Variants in ANKFY1 observed in about 807,000 individuals in gnomAD.
The protein encoded by ANKFY1 is ankyrin repeat and FYVE domain-containing protein 1.
Under a neutral mutation model 128.3 loss-of-function variants are expected in ANKFY1, and 47 were observed. The observed-to-expected ratio is 0.37, with a 90% CI of 0.29 to 0.47. The LOEUF is 0.47. Ranked by LOEUF, ANKFY1 falls within the 20% of genes least tolerant of loss-of-function variation. The probability of loss-of-function intolerance (pLI) is 1.00; values close to 1 mark genes in which losing one functional copy is unlikely to be tolerated. For missense variants in ANKFY1, 1,222 were observed against 1,510.6 expected (o/e 0.81, Z 3.17); for synonymous variants, 553 against 601.6 (o/e 0.92, Z 1.18).
Position 4,181,841 on chromosome 17 carries a change from C to T in ANKFY1, c.2121+340G>A, listed in dbSNP as rs896222527. Among the ~76,000 whole-genome samples, 2 of 152,148 alleles carry T rather than the reference C, an allele frequency of 1.3e-5. No homozygotes were observed. Among genetic ancestry groups the T allele is most frequent in the African/African-American group, 4.8e-5 (2 of 41,408 alleles). ...GCCTCCACTTTTGGGGCCTGTCTTG[C>T]AAACAAGGGAGATAAACCTAAGATT... On this transcript the variant is annotated intron_variant, in intron 15 of 24. Transcript: ENST00000341657. The surrounding 1 kb of genome is among the most constrained non-coding windows in gnomAD (Gnocchi z 4.9).
chr17:4,263,752 G>T, intron 1 of ANKFY1, 180 bp downstream of exon 1: 1 of 1,509,448 alleles, frequency 6.6e-7, no homozygotes, highest in Non-Finnish European at 8.8e-7. Context: ...CGTTGTCATA[G>T]GAACCGCGCT....
intron 1 of ANKFY1, among the ~76,000 whole-genome samples, chr17:4,251,535 TAA>T (rs71144176): frequency 1.1e-3 from 149 of 130,922 alleles, no homozygotes; most frequent in Middle Eastern, 3.7e-3. Context: ...AAATAAAAAT[TAA>T]AAAAAAAAAA....
chr17:4,229,339 A>C (rs2060476725), intron 3 of ANKFY1, among the ~76,000 whole-genome samples: 1 of 151,864 alleles, frequency 6.6e-6, no homozygotes, highest in Non-Finnish European at 1.5e-5. Flanking sequence ...CAGGAGAATC[A>C]CTTGAGCCCA....
At chr17:4,236,835 C>A (rs867353754) in intron 2 of ANKFY1, among the ~76,000 whole-genome samples, 4 of 151,892 alleles carry the variant, frequency 2.6e-5, no homozygotes, top group Non-Finnish European at 4.4e-5. Context: ...ATGAATTAAC[C>A]CATCCATTTA....
chr17:4,245,920 T>C (rs1225940048), intron 1 of ANKFY1, among the ~76,000 whole-genome samples: 1 of 151,766 alleles, frequency 6.6e-6, no homozygotes, highest in Non-Finnish European at 1.5e-5. Context: ...GGCACACAAC[T>C]GTAGTCCCAG....
chr17:4,243,078 G>GT (rs1433544548), intron 1 of ANKFY1, among the ~76,000 whole-genome samples: 1 of 150,214 alleles, frequency 6.7e-6, no homozygotes, highest in Non-Finnish European at 1.5e-5. Flanking sequence ...TTGTTTGTTT[G>GT]TTTGTTTGAG....
intron 3 of ANKFY1, chr17:4,222,893 T>C: frequency 9.7e-7 from 1 of 1,029,996 alleles, no homozygotes; most frequent in South Asian, 1.3e-5. Context: ...CACCCAACAA[T>C]CCAACTCCTA....
intron 19 of ANKFY1, among the ~76,000 whole-genome samples, chr17:4,176,388 C>T (rs995815089): frequency 6.6e-6 from 1 of 152,196 alleles, no homozygotes; most frequent in Non-Finnish European, 1.5e-5. Flanking sequence ...AGAGACCAGA[C>T]GATGAGGCCC....
rs752790435 is a variant in ANKFY1 at position 4,174,235 on chromosome 17, G to A, written c.2776-179C>T. ...GCTGAAGCAGAAACCAGCAAAACCCGTGCCAAGGGCAAACTGGCAATTACC... is the reference window on the plus strand; with the variant it reads ...GCTGAAGCAGAAACCAGCAAAACCCATGCCAAGGGCAAACTGGCAATTACC... On this transcript the variant is annotated intron_variant, in intron 19 of 24. Coordinates refer to ENST00000341657, the MANE Select transcript of ANKFY1 (RefSeq NM_001330063.2). Among the ~76,000 whole-genome samples, 9 of 152,176 alleles carry A rather than the reference G, an allele frequency of 5.9e-5. No homozygotes were observed. The East Asian group carries it at 9.6e-4, about 16-fold the overall frequency.
intron 2 of ANKFY1, among the ~76,000 whole-genome samples, chr17:4,239,575 A>G (rs1405621303): frequency 2.6e-5 from 4 of 152,082 alleles, no homozygotes; most frequent in East Asian, 1.9e-4. Context: ...GTCTCACTCA[A>G]TCACCCAGGC....
rs373164721 is a variant in ANKFY1 at position 4,207,912 on chromosome 17, T to C, written c.732+21A>G. The C allele has an allele frequency of 4.8e-5, 74 of 1,551,052 alleles. No homozygotes were observed. The African/African-American group carries it at 7.6e-4, about 16-fold the overall frequency. ...CATTAGAGTTTCGGGAAATGAAGAA[T>C]GGAAAAGGCAGCTACAGTACCTGGG... On this transcript the variant is annotated intron_variant, in intron 6 of 24. Coordinates refer to ENST00000341657, the MANE Select transcript of ANKFY1 (RefSeq NM_001330063.2).
chr17:4,183,363 C>A (rs567586532), intron 14 of ANKFY1, 35 bp downstream of exon 14: 1 of 1,598,852 alleles, frequency 6.3e-7, no homozygotes. Context: ...TTAATTGTTA[C>A]CTGGTGTTAG....
chr17:4,230,294 T>G (rs1017033444), intron 3 of ANKFY1, among the ~76,000 whole-genome samples: 1 of 152,204 alleles, frequency 6.6e-6, no homozygotes, highest in African/African-American at 2.4e-5. Flanking sequence ...GGCTTGACAC[T>G]ATCCAGGACA....
At chr17:4,210,783 G>A (rs1367004020) in intron 4 of ANKFY1, among the ~76,000 whole-genome samples, 1 of 123,558 alleles carries the variant, frequency 8.1e-6, no homozygotes, top group Non-Finnish European at 1.6e-5. Context: ...ACTCAATAAA[G>A]CTGTATTTTA....
At position 4,167,661 on chromosome 17, in the gene ANKFY1, A is replaced by T; in HGVS notation, c.*118T>A. On this transcript the variant is annotated 3_prime_UTR_variant, in exon 25 of 25. Coordinates refer to ENST00000341657, the MANE Select transcript of ANKFY1 (RefSeq NM_001330063.2). This position sits in a 1 kb window ranked among gnomAD's most constrained non-coding sequence, Gnocchi z 4.1. The stretch of plus-strand genomic sequence containing the variant: ...TCACACCATGGTCCTTAATCGTTCC[A>T]GTCTATTGCCGCAGGAAGACACCCG... The T allele has an allele frequency of 2.0e-6, 2 of 992,536 alleles. No homozygotes were observed. The highest frequency in any genetic ancestry group is 2.8e-6 in the Non-Finnish European group (2 of 702,410). The allele number at this position is 992,536 out of a possible 1,614,324, so 61.5% of individuals were successfully genotyped here.
chr17:4,211,903 AAAAC>A lies in ANKFY1; in HGVS notation c.459-1960_459-1957del, dbSNP rs1408133842. ...TCTGTCTCAAAAAAAAAACAAAACA[AAAAC>A]AAACAAACAAACAAACAAAAAACAT... On this transcript the variant is annotated intron_variant, in intron 4 of 24. Transcript: ENST00000341657. Among the ~76,000 whole-genome samples the A allele has an allele frequency of 1.7e-4, 5 of 28,760 alleles. 1 individual carries two copies. Among genetic ancestry groups the A allele is most frequent in the African/African-American group, 2.5e-4 (5 of 19,758 alleles). The allele number at this position is 28,760 out of a possible 152,430, so 18.9% of individuals were successfully genotyped here.
Position 4,169,301 on chromosome 17 carries a change from G to A in ANKFY1, c.3287-13C>T. 6.5e-7 allele frequency: 1 copy of A among 1,540,008 alleles called. No individual in the cohort carries two copies. Among genetic ancestry groups the A allele is most frequent in the Non-Finnish European group, 8.8e-7 (1 of 1,138,856 alleles). On this transcript the variant is annotated splice_polypyrimidine_tract_variant and intron_variant, in intron 23 of 24. Transcript: ENST00000341657. This position sits in a 1 kb window ranked among gnomAD's most constrained non-coding sequence, Gnocchi z 5.0. ...TTGGACAGCATATCTGCAACACAGG[G>A]GGGAGGCCCGGTCCCGTCAAACCGC...
At chr17:4,200,860 A>G (rs1230441591) in intron 7 of ANKFY1, among the ~76,000 whole-genome samples, 1 of 152,046 alleles carries the variant, frequency 6.6e-6, no homozygotes, top group Non-Finnish European at 1.5e-5. Flanking sequence ...TTACGATATC[A>G]TTTCATCTCC....
rs371887288 is a variant in ANKFY1, at chr17:4,178,434, G to T, written c.2598+423C>A. 4.9e-5 allele frequency: 10 copies of T among 206,088 alleles called. No individual in the cohort carries two copies. In the East Asian group the frequency reaches 8.3e-4, roughly 17 times the overall value. 12.8% of individuals were successfully genotyped at this position (206,088 alleles called of 1,614,324 possible). A position where few individuals can be genotyped will look rare whatever the true frequency, so the allele number is the denominator to read the frequency against. On this transcript the variant is annotated intron_variant, in intron 18 of 24. Transcript: ENST00000341657. This position sits in a 1 kb window ranked among gnomAD's most constrained non-coding sequence, Gnocchi z 4.1. ...CCATCCCGATGTAGCAGCTGGTAAA[G>T]AACCACAAAGAACAAGGACAGCCGA...
Sources: gnomAD v4.1 joint callset for allele counts (sites outside exome capture counted in the v4.1 genomes callset) on GRCh38, gnomAD v4.1.1 for gene constraint, Gnocchi (gnomAD v3.1) non-coding constraint, MANE v1.5 for transcripts, NCBI Gene and HGNC (gene_info 2026-07-23, HGNC 2026-07-21) for gene names.